FAT3: variants seen among roughly 807,000 people sequenced by gnomAD.
FAT3 encodes the protein protocadherin Fat 3.
FAT3 carries 95 observed loss-of-function variants against 310.2 expected under a neutral mutation model. The observed-to-expected ratio is 0.31, with a 90% confidence interval of 0.26 to 0.36. FAT3 has a LOEUF of 0.36. Among genes scored for constraint, FAT3 ranks in the 10% least tolerant of loss-of-function variants. The pLI, the probability that FAT3 is intolerant of heterozygous loss-of-function variation, is 1.00. For synonymous variants in FAT3, 2,314 were observed against 2,192.9 expected (o/e 1.06, Z -1.54); for missense variants, 5,408 against 5,715.6 (o/e 0.95, Z 1.74).
intron 2 of FAT3, among the ~76,000 whole-genome samples, chr11:92,462,002 T>A (rs2135112743): frequency 6.6e-6 from 1 of 152,262 alleles, no homozygotes; most frequent in South Asian, 2.1e-4. Context: ...GCAGTATCCA[T>A]TGGGAGTCTT....
At chr11:92,674,490 T>C (rs913457082) in intron 3 of FAT3, among the ~76,000 whole-genome samples, 6 of 152,078 alleles carry the variant, frequency 3.9e-5, no homozygotes, top group African/African-American at 7.2e-5. Flanking sequence ...TTCTGAATTA[T>C]GTTACTTTAC....
At chr11:92,295,235 G>A (rs968481848) in intron 1 of FAT3, among the ~76,000 whole-genome samples, 1 of 152,114 alleles carries the variant, frequency 6.6e-6, no homozygotes, top group African/African-American at 2.4e-5. Context: ...AATGCATGTA[G>A]GTTCATGCAG....
intron 2 of FAT3, among the ~76,000 whole-genome samples, chr11:92,502,854 A>T (rs1952983984): frequency 6.6e-6 from 1 of 152,070 alleles, no homozygotes; most frequent in South Asian, 2.1e-4. Context: ...TGGAATGATC[A>T]TGAATGCAAA....
intron 4 of FAT3, among the ~76,000 whole-genome samples, chr11:92,726,625 C>T (rs988612686): frequency 2.6e-5 from 4 of 151,902 alleles, no homozygotes; most frequent in African/African-American, 9.7e-5. Context: ...TAACATGTTG[C>T]CAGAAGCACC....
intron 3 of FAT3, among the ~76,000 whole-genome samples, chr11:92,547,114 C>A (rs543070552): frequency 6.6e-6 from 1 of 152,234 alleles, no homozygotes; most frequent in African/African-American, 2.4e-5. Flanking sequence ...CTGCTTCTCC[C>A]AAGAAAGCAG....
intron 2 of FAT3, among the ~76,000 whole-genome samples, chr11:92,409,077 G>A (rs956062308): frequency 3.9e-5 from 6 of 152,136 alleles, no homozygotes; most frequent in African/African-American, 1.4e-4. Flanking sequence ...TAAGTCTCAT[G>A]AGGAAAGACT....
chr11:92,289,500 TACACACACACAC>T (rs10562084), intron 1 of FAT3, among the ~76,000 whole-genome samples: 8 of 144,228 alleles, frequency 5.5e-5, no homozygotes, highest in African/African-American at 7.6e-5. Context: ...CCATGATAGA[TACACACACACAC>T]ACACACACAC....
intron 2 of FAT3, among the ~76,000 whole-genome samples, chr11:92,458,652 G>A (rs1951561845): frequency 6.6e-6 from 1 of 152,170 alleles, no homozygotes; most frequent in African/African-American, 2.4e-5. Flanking sequence ...GGAGCATTGT[G>A]ACTGTTTTAG....
At chr11:92,260,454 A>T (rs1865501655) in intron 1 of FAT3, among the ~76,000 whole-genome samples, 1 of 152,136 alleles carries the variant, frequency 6.6e-6, no homozygotes, top group Non-Finnish European at 1.5e-5. Context: ...CTGATGGCTT[A>T]ATAATAGCTG....
chr11:92,377,024 T>G (rs1949367870), intron 2 of FAT3, among the ~76,000 whole-genome samples: 1 of 152,174 alleles, frequency 6.6e-6, no homozygotes, highest in Non-Finnish European at 1.5e-5. Flanking sequence ...AAGATGACTT[T>G]CAATTGGAAG....
At chr11:92,306,642 T>C (rs1464915044) in intron 1 of FAT3, among the ~76,000 whole-genome samples, 8 of 123,886 alleles carry the variant, frequency 6.5e-5, no homozygotes, top group Admixed American at 1.1e-4. Context: ...ATATTATATA[T>C]ATTATATATA....
intron 1 of FAT3, among the ~76,000 whole-genome samples, chr11:92,283,074 A>C (rs1946471947): frequency 6.6e-6 from 1 of 152,156 alleles, no homozygotes; most frequent in African/African-American, 2.4e-5. Flanking sequence ...CTGTATCCCC[A>C]AAGCCTATGA....
At chr11:92,711,951 A>G (rs879888913) in intron 4 of FAT3, among the ~76,000 whole-genome samples, 5 of 152,192 alleles carry the variant, frequency 3.3e-5, no homozygotes, top group Non-Finnish European at 5.9e-5. Flanking sequence ...AAAATTTCAG[A>G]GCTAAATAGT....
At chr11:92,532,829 T>C (rs958493797) in intron 3 of FAT3, among the ~76,000 whole-genome samples, 3 of 152,154 alleles carry the variant, frequency 2.0e-5, no homozygotes, top group Non-Finnish European at 4.4e-5. Context: ...TGTTTCATCA[T>C]TGGAATGAAA....
At chr11:92,643,963 A>G (rs542480) in intron 3 of FAT3, among the ~76,000 whole-genome samples, 73,900 of 152,210 alleles carry the variant, frequency 0.49, 18,178 homozygotes, top group African/African-American at 0.5. Flanking sequence ...GAATGGCTAC[A>G]TGCCTTCTAG....
chr11:92,387,026 T>C (rs1949639636), intron 2 of FAT3, among the ~76,000 whole-genome samples: 1 of 151,406 alleles, frequency 6.6e-6, no homozygotes, highest in African/African-American at 2.4e-5. Context: ...CTGTGATAAA[T>C]GCTATGAGCC....
At chr11:92,356,618 A>G (rs1948737818) in intron 2 of FAT3, among the ~76,000 whole-genome samples, 1 of 152,168 alleles carries the variant, frequency 6.6e-6, no homozygotes. Flanking sequence ...CCGTAAGGGC[A>G]CTAATGCCAT....
Position 92,262,769 on chromosome 11 carries a change from C to G in FAT3, c.-18+37595C>G, listed in dbSNP as rs1692237386. Among the ~76,000 whole-genome samples the G allele has an allele frequency of 4.6e-5, 7 of 152,242 alleles. No homozygotes were observed. The South Asian group carries it at 1.5e-3, about 32-fold the overall frequency. On this transcript the variant is annotated intron_variant, in intron 1 of 27. Coordinates refer to ENST00000525166, the MANE Select transcript of FAT3 (RefSeq NM_001367949.2). ...TAAGACCAGAGTTAGGAAACATTCT[C>G]AGAATACGGGATGGGTTGACAATGC...
chr11:92,590,843 A>G (rs1013787458), intron 3 of FAT3, among the ~76,000 whole-genome samples: 2 of 152,118 alleles, frequency 1.3e-5, no homozygotes, highest in Non-Finnish European at 2.9e-5. Context: ...CATTTTTTGT[A>G]AACAACTCTC....
Sources: gnomAD v4.1 joint callset for allele counts (sites outside exome capture counted in the v4.1 genomes callset) on GRCh38, gnomAD v4.1.1 for gene constraint, MANE v1.5 for transcripts, NCBI Gene and HGNC (gene_info 2026-07-23, HGNC 2026-07-21) for gene names.